PRSS38: variants seen among roughly 807,000 people sequenced by gnomAD.
The protein encoded by PRSS38 is marapsin 2.
PRSS38 carries 22 observed loss-of-function variants against 26.8 expected under a neutral mutation model. The observed-to-expected ratio is 0.82, with a 90% CI of 0.59 to 1.17. The LOEUF (loss-of-function observed/expected upper bound fraction) is 1.17. Ranked by LOEUF, PRSS38 falls within the 50% of genes most tolerant of loss-of-function variation. The pLI, the probability that PRSS38 is intolerant of heterozygous loss-of-function variation, is 0.00. For missense variants in PRSS38, 427 were observed against 422.7 expected (o/e 1.01, Z -0.09); for synonymous variants, 175 against 172.1 (o/e 1.02, Z -0.13).
At chr1:227,843,705 C>G (rs1169225828) in intron 3 of PRSS38, among the ~76,000 whole-genome samples, 1 of 150,440 alleles carries the variant, frequency 6.6e-6, no homozygotes, top group Non-Finnish European at 1.5e-5. Flanking sequence ...GAAACTCCAT[C>G]TTAAAAAAAA....
At chr1:227,843,610 G>A (rs1449046427) in intron 3 of PRSS38, among the ~76,000 whole-genome samples, 2 of 152,122 alleles carry the variant, frequency 1.3e-5, no homozygotes, top group Admixed American at 6.5e-5. Flanking sequence ...TCTGAAGCAG[G>A]AGAATCGCTT....
chr1:227,837,919 T>C (rs536519468), intron 3 of PRSS38, among the ~76,000 whole-genome samples: 3 of 152,270 alleles, frequency 2.0e-5, no homozygotes, highest in East Asian at 1.9e-4. Context: ...TTTTCTTTTT[T>C]TGTTTTCTTT....
intron 3 of PRSS38, among the ~76,000 whole-genome samples, chr1:227,843,837 A>G (rs1214582435): frequency 1.3e-5 from 2 of 152,016 alleles, no homozygotes; most frequent in African/African-American, 4.8e-5. Context: ...CTGGCCAACA[A>G]GGTGAAACCC....
In PRSS38 at chr1:227,845,615, G is replaced by A; in HGVS notation, c.726+3G>A. 1 of 1,612,434 alleles carries A rather than the reference G, an allele frequency of 6.2e-7. No individual in the cohort carries two copies. Among genetic ancestry groups the A allele is most frequent in the Non-Finnish European group, 8.5e-7 (1 of 1,178,880 alleles). On this transcript the variant is annotated splice_donor_region_variant and intron_variant, in intron 4 of 4. Coordinates refer to ENST00000366757, the Ensembl canonical transcript of PRSS38. The stretch of plus-strand genomic sequence containing the variant: ...TGAATGCTAAGACCGTGTGTGAGGT[G>A]TGCCCCTCCTGGTCCATGAGACAGA...
At chr1:227,820,107 A>T (rs1664981639) in intron 3 of PRSS38, among the ~76,000 whole-genome samples, 1 of 150,848 alleles carries the variant, frequency 6.6e-6, no homozygotes, top group East Asian at 1.9e-4. Flanking sequence ...AAAAAAAAAA[A>T]AAAAAAGCAA....
intron 3 of PRSS38, among the ~76,000 whole-genome samples, chr1:227,819,223 C>T (rs534999907): frequency 2.0e-4 from 31 of 152,194 alleles, no homozygotes; most frequent in African/African-American, 6.3e-4. Context: ...ATGTTGGGTG[C>T]TTTGCTATTC....
At chr1:227,826,139 A>T (rs1665070571) in intron 3 of PRSS38, among the ~76,000 whole-genome samples, 1 of 152,042 alleles carries the variant, frequency 6.6e-6, no homozygotes, top group Non-Finnish European at 1.5e-5. Context: ...TTCTTTCTGT[A>T]GCAATTATGA....
intron 3 of PRSS38, among the ~76,000 whole-genome samples, chr1:227,829,200 G>T (rs567359407): frequency 1.3e-5 from 2 of 152,116 alleles, no homozygotes; most frequent in African/African-American, 4.8e-5. Flanking sequence ...GCCACAGACC[G>T]CAGCTGCTTC....
At chr1:227,824,188 T>C (rs910171658) in intron 3 of PRSS38, among the ~76,000 whole-genome samples, 1 of 152,130 alleles carries the variant, frequency 6.6e-6, no homozygotes, top group African/African-American at 2.4e-5. Flanking sequence ...AAGCCCAGCA[T>C]CCATTAGCTG....
At chr1:227,819,294 C>T (rs933342719) in intron 3 of PRSS38, among the ~76,000 whole-genome samples, 1 of 152,136 alleles carries the variant, frequency 6.6e-6, no homozygotes, top group African/African-American at 2.4e-5. Flanking sequence ...CTTAACCAAA[C>T]TTTTCTAATT....
rs200064249 is a variant in PRSS38 at position 227,845,921 on chromosome 1, C to A, written c.727-33C>A. ...GCAGGAGGCGGCAGGCCTGGGACTC[C>A]CAGTTCACAAAAAACTCCCTCTTCC... On this transcript the variant is annotated intron_variant, in intron 4 of 4. Coordinates refer to ENST00000366757, the Ensembl canonical transcript of PRSS38. 313 of 1,610,964 alleles carry A rather than the reference C, an allele frequency of 1.9e-4. 5 individuals are homozygous for A. The South Asian group carries it at 3.1e-3, about 16-fold the overall frequency.
At chr1:227,828,834 T>C (rs1168899792) in intron 3 of PRSS38, among the ~76,000 whole-genome samples, 1 of 152,176 alleles carries the variant, frequency 6.6e-6, no homozygotes, top group African/African-American at 2.4e-5. Flanking sequence ...CTCCTGGGTC[T>C]CCGTGTGTGC....
chr1:227,828,381 G>T (rs1389307234), intron 3 of PRSS38, among the ~76,000 whole-genome samples: 2 of 152,152 alleles, frequency 1.3e-5, no homozygotes, highest in South Asian at 2.1e-4. Flanking sequence ...CCTGTATTGG[G>T]TGCATATATA....
chr1:227,818,693 A>AAAC (rs1164490706), intron 3 of PRSS38, among the ~76,000 whole-genome samples: 4 of 151,836 alleles, frequency 2.6e-5, no homozygotes, highest in Non-Finnish European at 5.9e-5. Context: ...AAAAAAAAAA[A>AAAC]AAAAAACGTA....
At chr1:227,821,033 G>A (rs528619170) in intron 3 of PRSS38, among the ~76,000 whole-genome samples, 2 of 152,090 alleles carry the variant, frequency 1.3e-5, no homozygotes, top group South Asian at 2.1e-4. Flanking sequence ...AATCATTTTT[G>A]TGCATTTGTT....
At chr1:227,842,103 C>T (rs12043266) in intron 3 of PRSS38, among the ~76,000 whole-genome samples, 1 of 151,988 alleles carries the variant, frequency 6.6e-6, no homozygotes, top group South Asian at 2.1e-4. Context: ...GATGCACCCC[C>T]CAGGACCCAA....
chr1:227,838,620 C>T (rs1665272819), intron 3 of PRSS38, among the ~76,000 whole-genome samples: 1 of 152,166 alleles, frequency 6.6e-6, no homozygotes, highest in South Asian at 2.1e-4. Flanking sequence ...CTTAAGCAGG[C>T]TTTGAAAAAT....
chr1:227,822,256 T>C (rs1424237531), intron 3 of PRSS38, among the ~76,000 whole-genome samples: 1 of 152,148 alleles, frequency 6.6e-6, no homozygotes, highest in Non-Finnish European at 1.5e-5. Flanking sequence ...TAATTCTTTG[T>C]CTATGTTTTC....
At position 227,816,337 on chromosome 1, in the gene PRSS38, C is replaced by T; in HGVS notation, c.311+85C>T. 1.4e-6 allele frequency: 2 copies of T among 1,405,814 alleles called. No homozygotes were observed. Among genetic ancestry groups the T allele is most frequent in the East Asian group, 2.3e-5 (1 of 43,250 alleles). The allele number at this position is 1,405,814 out of a possible 1,614,324, so 87.1% of individuals were successfully genotyped here. A position where few individuals can be genotyped will look rare whatever the true frequency, so the allele number is the denominator to read the frequency against. On this transcript the variant is annotated intron_variant, in intron 2 of 4. Transcript: ENST00000366757. This position sits in a 1 kb window ranked among gnomAD's most constrained non-coding sequence, Gnocchi z 5.1. ...CGGCTTGGATGGACCCCACGCAAGC[C>T]TCCCCCATCACCATTGTCGACTCCC...
Sources: allele counts gnomAD v4.1 joint callset (sites outside exome capture counted in the v4.1 genomes callset), GRCh38; gene constraint gnomAD v4.1.1; non-coding constraint Gnocchi (gnomAD v3.1); transcripts MANE v1.5; gene names NCBI Gene and HGNC (gene_info 2026-07-23, HGNC 2026-07-21).